The following NSRP1 variants were observed in gnomAD, a reference collection of about 807,000 sequenced individuals.
NSRP1 encodes the protein coiled-coil domain containing 55.
A neutral mutation model predicts 54.7 loss-of-function variants in NSRP1; 24 were observed. That is an observed-to-expected ratio of 0.44 (90% CI 0.32 to 0.62). NSRP1 has a LOEUF of 0.62. NSRP1 is among the 20% of genes least tolerant of loss of function. NSRP1 has a pLI of 0.06. For synonymous variants in NSRP1, 210 were observed against 213.8 expected (o/e 0.98, Z 0.15); for missense variants, 596 against 651.2 (o/e 0.92, Z 0.92).
chr17:30,151,994 C>T (rs1370565510), intron 2 of NSRP1, among the ~76,000 whole-genome samples: 1 of 151,934 alleles, frequency 6.6e-6, no homozygotes, highest in Non-Finnish European at 1.5e-5. Context: ...GTCTCAAACT[C>T]CTGACCTCAG....
At chr17:30,141,242 AT>A (rs1024657740) in intron 2 of NSRP1, among the ~76,000 whole-genome samples, 13 of 151,854 alleles carry the variant, frequency 8.6e-5, no homozygotes, top group Non-Finnish European at 1.8e-4. Context: ...TTTACAATTA[AT>A]TTTTTTCTAA....
At position 30,181,023 on chromosome 17, in the gene NSRP1, A is replaced by T. The variant is rs1363019062; in HGVS notation, c.617+7A>T. On this transcript the variant is annotated splice_region_variant and intron_variant, in intron 6 of 6. Transcript: ENST00000247026. ...GCAGCTTTCGTGAAGCCAGGTGAGGAGACGTGTATGAAATATTTTGAAGAA... is the reference window on the plus strand; with the variant it reads ...GCAGCTTTCGTGAAGCCAGGTGAGGTGACGTGTATGAAATATTTTGAAGAA... 6.5e-7 allele frequency: 1 copy of T among 1,532,686 alleles called. No homozygotes were observed. The highest frequency in any genetic ancestry group is 1.4e-5 in the African/African-American group (1 of 73,316). 94.9% of individuals were successfully genotyped at this position (1,532,686 alleles called of 1,614,324 possible).
At chr17:30,120,482 C>T (rs1055293844) in intron 2 of NSRP1, among the ~76,000 whole-genome samples, 2 of 152,184 alleles carry the variant, frequency 1.3e-5, no homozygotes, top group African/African-American at 2.4e-5. Flanking sequence ...AAGAGTTGAT[C>T]AGTTTTGCAT....
At chr17:30,121,557 C>CGTGT (rs1177357412) in intron 2 of NSRP1, among the ~76,000 whole-genome samples, 1 of 139,378 alleles carries the variant, frequency 7.2e-6, no homozygotes, top group South Asian at 2.2e-4. Context: ...TGTGTGTGTG[C>CGTGT]GTGTGTGTGT....
rs2071536438 is a variant in NSRP1, at chr17:30,116,823, T to C, written c.-21T>C. ...CAGCGTCACGGAGGCGTCGGCCACG[T>C]TCAGCGGACACGGGAGCAAGATGGC... On this transcript the variant is annotated 5_prime_UTR_variant, in exon 1 of 7. Transcript: ENST00000247026. The C allele has an allele frequency of 6.4e-7, 1 of 1,570,390 alleles. No individual in the cohort carries two copies.
At chr17:30,142,684 GCTA>G (rs2071817127) in intron 2 of NSRP1, among the ~76,000 whole-genome samples, 1 of 152,130 alleles carries the variant, frequency 6.6e-6, no homozygotes, top group Non-Finnish European at 1.5e-5. Flanking sequence ...ATAAGTGGTA[GCTA>G]TATTGCTGCA....
intron 2 of NSRP1, among the ~76,000 whole-genome samples, chr17:30,149,433 G>A (rs2071886087): frequency 6.6e-6 from 1 of 152,116 alleles, no homozygotes; most frequent in Admixed American, 6.6e-5. Context: ...TGATCTATTT[G>A]TTATCATAGA....
chr17:30,144,141 A>G (rs879737489), intron 2 of NSRP1: 1 of 151,870 alleles, frequency 6.6e-6, no homozygotes, highest in Non-Finnish European at 1.5e-5. Flanking sequence ...GCAATCTAAA[A>G]TTACCCTCCT....
chr17:30,171,934 T>TCACACACACACACA (rs746244255), intron 2 of NSRP1, among the ~76,000 whole-genome samples: 13 of 113,344 alleles, frequency 1.1e-4, no homozygotes, highest in African/African-American at 3.8e-4. Context: ...TCCCCATTTC[T>TCACACACACACACA]CACACACACA....
intron 3 of NSRP1, among the ~76,000 whole-genome samples, chr17:30,177,443 A>G (rs1335581636): frequency 6.6e-6 from 1 of 152,084 alleles, no homozygotes; most frequent in Non-Finnish European, 1.5e-5. Flanking sequence ...AAGAAAGATC[A>G]TTGGGGGTTA....
chr17:30,159,666 A>G (rs1487241100), intron 2 of NSRP1, among the ~76,000 whole-genome samples: 2 of 151,528 alleles, frequency 1.3e-5, no homozygotes, highest in Admixed American at 6.6e-5. Flanking sequence ...TTATTTGTTT[A>G]TTTATTTTTT....
At position 30,156,086 on chromosome 17, in the gene NSRP1, C is replaced by G. The variant is rs575397052; in HGVS notation, c.115-16456C>G. Among the ~76,000 whole-genome samples, 6 of 152,002 alleles carry G rather than the reference C, an allele frequency of 3.9e-5. No homozygotes were observed. In the East Asian group the frequency reaches 1.2e-3, roughly 30 times the overall value. ...AACTGCTAACCTCAAGCGATCTGCC[C>G]GCCTCGGCCTCCCAAAGTGCTGGGA... is the stretch of plus-strand genomic sequence containing the variant. On this transcript the variant is annotated intron_variant, in intron 2 of 6. Transcript: ENST00000247026.
At chr17:30,172,160 C>T (rs927151848) in intron 2 of NSRP1, among the ~76,000 whole-genome samples, 1 of 152,098 alleles carries the variant, frequency 6.6e-6, no homozygotes, top group African/African-American at 2.4e-5. Context: ...ATTTACAATG[C>T]AAATTCATTT....
At chr17:30,174,502 T>G (rs1358142276) in intron 3 of NSRP1, among the ~76,000 whole-genome samples, 1 of 152,250 alleles carries the variant, frequency 6.6e-6, no homozygotes, top group Non-Finnish European at 1.5e-5. Context: ...AAACTATTTT[T>G]TTCTTCTATG....
chr17:30,130,008 G>A (rs1013788369), intron 2 of NSRP1, among the ~76,000 whole-genome samples: 1 of 152,136 alleles, frequency 6.6e-6, no homozygotes, highest in African/African-American at 2.4e-5. Flanking sequence ...AGCAAGAAGA[G>A]AGAAAAGGAA....
rs757140339 is a variant in NSRP1, at chr17:30,185,440, CAAAG to C, written c.1451_1454del (p.Arg484ThrfsTer36). 1.3e-5 allele frequency: 21 copies of C among 1,608,594 alleles called. No individual in the cohort carries two copies. The highest frequency in any genetic ancestry group is 4.0e-5 in the African/African-American group (3 of 74,302). On this transcript the variant is annotated frameshift_variant, in exon 7 of 7. Coordinates refer to ENST00000247026, the MANE Select transcript of NSRP1 (RefSeq NM_032141.4). LOFTEE classifies it high-confidence loss of function. Reference sequence around the variant, plus strand: ...ACAAAATGAGAAACATGGCAAAGGACAAAGAAAGAAACCAAGAGAAACCCTCTAA... The same window carrying C: ...ACAAAATGAGAAACATGGCAAAGGACAAAGAAACCAAGAGAAACCCTCTAA...
chr17:30,145,706 G>A (rs1487241343), intron 2 of NSRP1, among the ~76,000 whole-genome samples: 1 of 150,948 alleles, frequency 6.6e-6, no homozygotes, highest in Non-Finnish European at 1.5e-5. Flanking sequence ...TTTTTTTTTG[G>A]AGACAATTTT....
At position 30,184,618 on chromosome 17, in the gene NSRP1, T is replaced by C; in HGVS notation, c.621T>C (p.Ser207=). Residue 207 remains serine, a synonymous_variant, in exon 7 of 7, where the codon TCT becomes TCC. Coordinates refer to ENST00000247026, the MANE Select transcript of NSRP1 (RefSeq NM_032141.4). The stretch of plus-strand genomic sequence containing the variant: ...TTTTTTGTTTTTTGTTTCTAAGATC[T>C]GGTATAAAGGAAGAAAAATCAAGGG... The part of the protein sequence containing the change: ...VPKCSFREAR[S]GIKEEKSRGF... 6.5e-7 allele frequency: 1 copy of C among 1,539,980 alleles called. No homozygotes were observed.
At chr17:30,121,721 C>T (rs2071599255) in intron 2 of NSRP1, among the ~76,000 whole-genome samples, 4 of 152,142 alleles carry the variant, frequency 2.6e-5, no homozygotes, top group Non-Finnish European at 4.4e-5. Context: ...AGGCACCTGC[C>T]ACCATACCCA....
Sources: allele counts gnomAD v4.1 joint callset (sites outside exome capture counted in the v4.1 genomes callset), GRCh38; gene constraint gnomAD v4.1.1; transcripts MANE v1.5; gene names NCBI Gene and HGNC (gene_info 2026-07-23, HGNC 2026-07-21).